Variants in MGAM observed in about 807,000 individuals in gnomAD.
MGAM encodes maltase-glucoamylase.
Under a neutral mutation model 358.8 loss-of-function variants are expected in MGAM, and 253 were observed. That is an observed-to-expected ratio of 0.71 (90% CI 0.64 to 0.78). The LOEUF is 0.78. Among genes scored for constraint, MGAM ranks in the 30% least tolerant of loss-of-function variants. The pLI is 0.00. For missense variants in MGAM, 3,080 were observed against 3,432.6 expected, an observed-to-expected ratio of 0.90 and a Z score of 2.57; for synonymous variants, 1,105 against 1,227.1, an observed-to-expected ratio of 0.90 and a Z score of 2.08.
At chr7:142,076,460 C>T (rs1563199660) in intron 46 of MGAM, 199 bp from the exon 47 acceptor site, 1 of 854,224 alleles carries the variant, frequency 1.2e-6, no homozygotes, top group Admixed American at 2.0e-5. Flanking sequence ...TTTTAATTAT[C>T]TGTGTGTTTT....
rs1194794370 is a variant in MGAM at position 142,052,226 on chromosome 7, A to G, written c.2806-68A>G. ...TTTCTATTTTTTTTTTATCGAAAAA[A>G]AAACCTCAGGTCTTGCAAAGCCTGT... On this transcript the variant is annotated intron_variant, in intron 24 of 70. Coordinates refer to ENST00000475668, the MANE Select transcript of MGAM (RefSeq NM_001365693.1). 20 of 1,376,640 alleles carry G rather than the reference A, an allele frequency of 1.5e-5. No homozygotes were observed. The East Asian group carries it at 5.0e-4, about 34-fold the overall frequency. The allele number at this position is 1,376,640 out of a possible 1,614,324, so 85.3% of individuals were successfully genotyped here. A position where few individuals can be genotyped will look rare whatever the true frequency, so the allele number is the denominator to read the frequency against.
intron 3 of MGAM, among the ~76,000 whole-genome samples, chr7:142,015,412 A>T (rs1805893120): frequency 6.6e-6 from 1 of 152,098 alleles, no homozygotes. Context: ...TTATGTTTTG[A>T]TAACTATGTA....
chr7:142,086,630 C>T lies in MGAM; in HGVS notation c.6748-25C>T. ...GTAAGGGAAATTGTCTAGTGCATCG[C>T]TACTGAACATGTTTCTCTCCATAGG... On this transcript the variant is annotated intron_variant, in intron 56 of 70. Coordinates refer to ENST00000475668, the MANE Select transcript of MGAM (RefSeq NM_001365693.1). 2 of 1,068,370 alleles carry T rather than the reference C, an allele frequency of 1.9e-6. 1 individual carries two copies. Among genetic ancestry groups the T allele is most frequent in the African/African-American group, 4.6e-5 (2 of 43,530 alleles). 66.2% of individuals were successfully genotyped at this position (1,068,370 alleles called of 1,614,324 possible).
At chr7:141,994,105 G>A (rs1804064817), upstream of MGAM, among the ~76,000 whole-genome samples, 1 of 152,164 alleles carries the variant, frequency 6.6e-6, no homozygotes, top group East Asian at 1.9e-4. Context: ...TGAACTCCTG[G>A]CCTCAGGTGA....
chr7:142,015,869 T>A (rs1417581780), intron 3 of MGAM, among the ~76,000 whole-genome samples: 3 of 152,118 alleles, frequency 2.0e-5, no homozygotes, highest in Non-Finnish European at 4.4e-5. Flanking sequence ...TTTATTATGA[T>A]AGCTGATGAA....
Position 142,005,662 on chromosome 7 carries a change from G to T in MGAM, c.127+5G>T, listed in dbSNP as rs145706810. 5.3e-5 allele frequency: 85 copies of T among 1,600,576 alleles called. No individual in the cohort carries two copies. The highest frequency in any genetic ancestry group is 3.6e-4 in the Admixed American group (21 of 58,182). On this transcript the variant is annotated splice_donor_5th_base_variant and intron_variant, in intron 2 of 70. Coordinates refer to ENST00000475668, the MANE Select transcript of MGAM (RefSeq NM_001365693.1). ...AAGAGTCACTGAAATCAACAGGTAAGAAGTAACTCTGGGGCTCTCTCCATA... is the reference window on the plus strand; with the variant it reads ...AAGAGTCACTGAAATCAACAGGTAATAAGTAACTCTGGGGCTCTCTCCATA...
intron 9 of MGAM, 110 bp from the exon 10 acceptor site, chr7:142,027,500 A>G (rs568598216): frequency 2.5e-5 from 29 of 1,181,940 alleles, no homozygotes; most frequent in South Asian, 7.5e-5. Flanking sequence ...ACATTAATGA[A>G]TCAGTGCATT....
intron 21 of MGAM, among the ~76,000 whole-genome samples, chr7:142,047,116 G>T (rs1810475044): frequency 1.3e-5 from 2 of 152,102 alleles, no homozygotes; most frequent in South Asian, 4.1e-4. Context: ...GAAACTGGGA[G>T]GTTGCTTAGA....
Position 142,057,765 on chromosome 7 carries a change from T to C in MGAM, c.3694-438T>C, listed in dbSNP as rs1436590285. 4.6e-5 allele frequency among the ~76,000 whole-genome samples: 7 copies of C among 152,232 alleles called. No homozygotes were observed. The South Asian group carries it at 1.5e-3, about 32-fold the overall frequency. On this transcript the variant is annotated intron_variant, in intron 30 of 70. Coordinates refer to ENST00000475668, the MANE Select transcript of MGAM (RefSeq NM_001365693.1). The stretch of plus-strand genomic sequence containing the variant: ...TTATCACTTGCTGCATGTTAGAGCA[T>C]TTCACACATATTAACTCATTCATGC...
intron 65 of MGAM, among the ~76,000 whole-genome samples, chr7:142,096,769 T>A (rs1295866018): frequency 6.6e-6 from 1 of 152,188 alleles, no homozygotes; most frequent in Non-Finnish European, 1.5e-5. Context: ...TTACAACTTT[T>A]CAGAAGGATT....
intron 9 of MGAM, 46 bp from the exon 10 acceptor site, chr7:142,027,564 T>G (rs1268173143): frequency 7.5e-6 from 12 of 1,605,990 alleles, no homozygotes; most frequent in Non-Finnish European, 1.0e-5. Flanking sequence ...AAATTTTTAT[T>G]AAAAACAGAG....
chr7:142,073,160 A>G (rs1295701872), intron 44 of MGAM, among the ~76,000 whole-genome samples: 1 of 146,190 alleles, frequency 6.8e-6, no homozygotes, highest in Non-Finnish European at 1.5e-5. Context: ...TTCATTTTTT[A>G]GTGAATGTGC....
intron 49 of MGAM, among the ~76,000 whole-genome samples, chr7:142,079,218 T>C (rs1159984305): frequency 6.9e-6 from 1 of 145,168 alleles, no homozygotes; most frequent in African/African-American, 2.4e-5. Flanking sequence ...GTTAGGAAAA[T>C]GGTTGGGAGA....
intron 21 of MGAM, among the ~76,000 whole-genome samples, chr7:142,041,916 CGTATAATATATAATATATAT>C (rs1369847660): frequency 0.088 from 1,900 of 21,572 alleles, 273 homozygotes; most frequent in African/African-American, 0.3. Context: ...TATATATATA[CGTATAATATATAATATATAT>C]ATTATATATA....
rs926597851 is a variant in MGAM, at chr7:142,020,601, A to T, written c.449-373A>T. ...CATGTATCCTAATATATATATATAT[A>T]TATTTTTTTTTTTTTTTTGAGAAGG... is the stretch of plus-strand genomic sequence containing the variant. On this transcript the variant is annotated intron_variant, in intron 4 of 70. Coordinates refer to ENST00000475668, the MANE Select transcript of MGAM (RefSeq NM_001365693.1). Among the ~76,000 whole-genome samples, 146 of 134,322 alleles carry T rather than the reference A, an allele frequency of 1.1e-3. 2 individuals carry two copies. The highest frequency in any genetic ancestry group is 3.5e-3 in the African/African-American group (118 of 33,992). The allele number at this position is 134,322 out of a possible 152,430, so 88.1% of individuals were successfully genotyped here. A position where few individuals can be genotyped will look rare whatever the true frequency, so the allele number is the denominator to read the frequency against.
rs1812532488 is a variant in MGAM, at chr7:142,064,484, C to T, written c.4446C>T (p.His1482=). 1 of 1,583,118 alleles carries T rather than the reference C, an allele frequency of 6.3e-7. No individual in the cohort carries two copies. Among genetic ancestry groups the T allele is most frequent in the Non-Finnish European group, 8.6e-7 (1 of 1,164,538 alleles). The change falls in exon 37 of 71, where the codon CAC becomes CAT. Residue 1482 remains histidine, a synonymous_variant. Transcript: ENST00000475668. ...CCCTGGTGCAGCACTACAACGTGCA[C>T]AACCTGTATGGGTGGTCCCAGACCA... is the stretch of plus-strand genomic sequence containing the variant. ...DGSLVQHYNV[H]NLYGWSQTRP...
At chr7:142,101,916 A>G (rs1044482254) in intron 68 of MGAM, among the ~76,000 whole-genome samples, 18 of 151,562 alleles carry the variant, frequency 1.2e-4, no homozygotes, top group Non-Finnish European at 1.6e-4. Context: ...CTCAAAAAAA[A>G]AAAAGAAAGA....
chr7:142,067,967 TATATATATATATATATA>T (rs1563191312), intron 42 of MGAM, among the ~76,000 whole-genome samples: 121 of 8,502 alleles, frequency 0.014, 3 homozygotes, highest in Admixed American at 0.023. Flanking sequence ...TATATATAAA[TATATATATATATATATA>T]TATTTTTTTT....
intron 21 of MGAM, among the ~76,000 whole-genome samples, chr7:142,044,738 A>G (rs1252013500): frequency 1.1e-5 from 1 of 94,606 alleles, no homozygotes; most frequent in Non-Finnish European, 2.0e-5. Context: ...TGAATATTAT[A>G]TACACGTGTA....
Sources: allele counts gnomAD v4.1 joint callset (sites outside exome capture counted in the v4.1 genomes callset), GRCh38; gene constraint gnomAD v4.1.1; transcripts MANE v1.5; gene names NCBI Gene and HGNC (gene_info 2026-07-23, HGNC 2026-07-21).